Variants in CNTNAP2 observed in about 807,000 individuals in gnomAD.
CNTNAP2 encodes contactin associated protein 2, also known as contactin-associated protein-like 2.
In CNTNAP2, 98 loss-of-function variants were observed where a neutral mutation model predicts 155.2. The observed-to-expected ratio is 0.63, with a 90% CI of 0.54 to 0.75. The LOEUF is 0.75. CNTNAP2 is among the 30% of genes least tolerant of loss of function. CNTNAP2 has a pLI of 0.00. For synonymous variants in CNTNAP2, 651 were observed against 631.2 expected, an observed-to-expected ratio of 1.03 and a Z score of -0.47; for missense variants, 1,727 against 1,688.1, an observed-to-expected ratio of 1.02 and a Z score of -0.40.
chr7:147,252,640 G>C (rs1238850063), intron 8 of CNTNAP2, among the ~76,000 whole-genome samples: 2 of 152,050 alleles, frequency 1.3e-5, no homozygotes, highest in East Asian at 3.9e-4. Context: ...TTATGCATTG[G>C]GGGGAAGGTG....
chr7:146,290,784 G>A (rs1327099022), intron 1 of CNTNAP2, among the ~76,000 whole-genome samples: 1 of 152,184 alleles, frequency 6.6e-6, no homozygotes, highest in Non-Finnish European at 1.5e-5. Flanking sequence ...AATGAACTGA[G>A]TTTATTTGCC....
At chr7:146,199,498 G>A (rs1433580385) in intron 1 of CNTNAP2, among the ~76,000 whole-genome samples, 1 of 152,122 alleles carries the variant, frequency 6.6e-6, no homozygotes, top group Non-Finnish European at 1.5e-5. Flanking sequence ...ATAACATACA[G>A]AGAATGAAAA....
chr7:147,444,990 G>A (rs750484456), intron 10 of CNTNAP2, among the ~76,000 whole-genome samples: 1 of 152,040 alleles, frequency 6.6e-6, no homozygotes, highest in Non-Finnish European at 1.5e-5. Flanking sequence ...AAGAGTGAAG[G>A]GGGATGTGCT....
rs746393481 is a variant in CNTNAP2, at chr7:146,809,699, G to A, written c.209-30012G>A. ...ATTTGTAAGTCTTCTTTGAAAATGT[G>A]TCTTCACTTTTTAGAAATTGTTTTG... On this transcript the variant is annotated intron_variant, in intron 2 of 23. Transcript: ENST00000361727. Among the ~76,000 whole-genome samples the A allele has an allele frequency of 1.1e-3, 166 of 152,018 alleles. 2 individuals are homozygous for A. The highest frequency in any genetic ancestry group is 2.2e-4 in the Non-Finnish European group (15 of 67,982).
At chr7:146,955,698 C>T (rs1547563) in intron 3 of CNTNAP2, among the ~76,000 whole-genome samples, 41,507 of 151,798 alleles carry the variant, frequency 0.27, 6,800 homozygotes, top group Non-Finnish European at 0.36. Flanking sequence ...AAATGCATTA[C>T]TCCTACCCTA....
At chr7:148,070,273 C>T (rs1378983259) in intron 15 of CNTNAP2, among the ~76,000 whole-genome samples, 1 of 152,138 alleles carries the variant, frequency 6.6e-6, no homozygotes, top group Non-Finnish European at 1.5e-5. Context: ...ACATAGAATC[C>T]TCTGAAATAG....
chr7:146,741,757 A>G (rs908175967), intron 1 of CNTNAP2, among the ~76,000 whole-genome samples: 2 of 152,210 alleles, frequency 1.3e-5, no homozygotes, highest in Non-Finnish European at 2.9e-5. Flanking sequence ...TGAATATTGC[A>G]TGAGGCCGCA....
chr7:147,636,757 G>A (rs1325528043), intron 12 of CNTNAP2, among the ~76,000 whole-genome samples: 2 of 152,110 alleles, frequency 1.3e-5, no homozygotes, highest in Non-Finnish European at 2.9e-5. Flanking sequence ...CAATTATTGT[G>A]CAATCTCTGC....
At chr7:148,228,769 A>G (rs1025620694) in intron 19 of CNTNAP2, among the ~76,000 whole-genome samples, 1 of 147,606 alleles carries the variant, frequency 6.8e-6, no homozygotes, top group African/African-American at 2.5e-5. Context: ...CGGAGCTTAC[A>G]GTGAGCCGAG....
chr7:146,184,519 A>G (rs1798595913), intron 1 of CNTNAP2, among the ~76,000 whole-genome samples: 2 of 152,218 alleles, frequency 1.3e-5, no homozygotes, highest in Admixed American at 6.5e-5. Flanking sequence ...GAGAAGAAAC[A>G]TTAGTTAATA....
At chr7:146,267,176 G>A (rs1350730680) in intron 1 of CNTNAP2, among the ~76,000 whole-genome samples, 2 of 152,082 alleles carry the variant, frequency 1.3e-5, no homozygotes, top group Non-Finnish European at 2.9e-5. Context: ...GGACTGTTTA[G>A]TAACCCTCTT....
chr7:146,693,899 C>T (rs367695862), intron 1 of CNTNAP2, among the ~76,000 whole-genome samples: 14 of 151,880 alleles, frequency 9.2e-5, no homozygotes, highest in Admixed American at 5.3e-4. Context: ...CCCCATCCCC[C>T]GACCAGCCCC....
chr7:147,482,130 A>C lies in CNTNAP2; in HGVS notation c.1671-3805A>C, dbSNP rs189278882. 6.1e-3 allele frequency among the ~76,000 whole-genome samples: 931 copies of C among 152,254 alleles called. 14 individuals carry two copies. Among genetic ancestry groups the C allele is most frequent in the African/African-American group, 0.022 (895 of 41,538 alleles). On this transcript the variant is annotated intron_variant, in intron 10 of 23. Coordinates refer to ENST00000361727, the MANE Select transcript of CNTNAP2 (RefSeq NM_014141.6). ...TTATAAGATAAAAACCCCTAATTGT[A>C]GGAATCTCAGTTCAGAAGAGACAGG...
chr7:147,582,411 A>T (rs1334603736), intron 12 of CNTNAP2, among the ~76,000 whole-genome samples: 1 of 152,162 alleles, frequency 6.6e-6, no homozygotes, highest in African/African-American at 2.4e-5. Flanking sequence ...AACTCTGGGC[A>T]TTTCAAATCT....
intron 1 of CNTNAP2, among the ~76,000 whole-genome samples, chr7:146,596,976 G>A (rs1475243411): frequency 2.0e-5 from 3 of 151,968 alleles, no homozygotes; most frequent in Admixed American, 6.6e-5. Flanking sequence ...GTCAGTAACC[G>A]TAAATAAATG....
chr7:146,789,719 C>A (rs541955377), intron 2 of CNTNAP2, among the ~76,000 whole-genome samples: 1 of 151,540 alleles, frequency 6.6e-6, no homozygotes, highest in African/African-American at 2.4e-5. Context: ...TAAGAAAAAA[C>A]TACTGATATG....
Position 147,395,779 on chromosome 7 carries a change from A to T in CNTNAP2, c.1669A>T (p.Arg557Ter). 1 of 1,611,842 alleles carries T rather than the reference A, an allele frequency of 6.2e-7. No homozygotes were observed. Among genetic ancestry groups the T allele is most frequent in the Non-Finnish European group, 8.5e-7 (1 of 1,178,328 alleles). Reference sequence around the variant, plus strand: ...CATTGACATGTGTGCGATCATAGACAGGTAAATGATCTTTTCATCCTACCT... The same window carrying T: ...CATTGACATGTGTGCGATCATAGACTGGTAAATGATCTTTTCATCCTACCT... Reference protein sequence around the residue: ...VSIDMCAIIDRCVPNHCEHGG... With the variant: ...VSIDMCAIID The change falls in exon 10 of 24, where the codon AGA becomes TGA. Residue 557 changes from arginine to a stop codon, truncating the protein, a stop_gained and splice_region_variant. Transcript: ENST00000361727. LOFTEE classifies it high-confidence loss of function.
intron 10 of CNTNAP2, among the ~76,000 whole-genome samples, chr7:147,437,585 C>A (rs1379942422): frequency 6.6e-6 from 1 of 152,004 alleles, no homozygotes; most frequent in African/African-American, 2.4e-5. Flanking sequence ...CAGTACCAGG[C>A]CATTTTGGTT....
rs1795733448 is a variant in CNTNAP2, at chr7:146,402,861, A to G, written c.97+285888A>G. Among the ~76,000 whole-genome samples the G allele has an allele frequency of 2.0e-5, 3 of 152,136 alleles. No individual in the cohort carries two copies. In the South Asian group the frequency reaches 6.2e-4, roughly 31 times the overall value. On this transcript the variant is annotated intron_variant, in intron 1 of 23. Coordinates refer to ENST00000361727, the MANE Select transcript of CNTNAP2 (RefSeq NM_014141.6). ...CCGGTTGAATTTTTGACTTTGAATA[A>G]CTTAATCAAATGCGGCTCTGGATTG...
Sources: gnomAD v4.1 joint callset for allele counts (sites outside exome capture counted in the v4.1 genomes callset) on GRCh38, gnomAD v4.1.1 for gene constraint, MANE v1.5 for transcripts, NCBI Gene and HGNC (gene_info 2026-07-23, HGNC 2026-07-21) for gene names.